RIMS1: variants seen among roughly 807,000 people sequenced by gnomAD.
The protein encoded by RIMS1 is regulating synaptic membrane exocytosis protein 1.
A neutral mutation model predicts 214.1 loss-of-function variants in RIMS1; 83 were observed. The observed-to-expected ratio is 0.39, with a 90% confidence interval of 0.32 to 0.47. The LOEUF (loss-of-function observed/expected upper bound fraction) is 0.47, where lower values mean the gene tolerates loss of function less well. Among genes scored for constraint, RIMS1 ranks in the 20% least tolerant of loss-of-function variants. RIMS1 has a pLI of 0.99. For synonymous variants in RIMS1, 793 were observed against 786.8 expected (o/e 1.01, Z -0.13); for missense variants, 2,050 against 2,161.8 (o/e 0.95, Z 1.03).
intron 29 of RIMS1, among the ~76,000 whole-genome samples, chr6:72,355,958 A>G (rs185742588): frequency 6.6e-6 from 1 of 152,180 alleles, no homozygotes. Flanking sequence ...CTAGATACTT[A>G]TTTGGCTTAG....
At chr6:72,191,902 G>A (rs1425219800) in intron 6 of RIMS1, among the ~76,000 whole-genome samples, 1 of 152,184 alleles carries the variant, frequency 6.6e-6, no homozygotes, top group Non-Finnish European at 1.5e-5. Context: ...GGTCTTTCAA[G>A]TACTCGATGA....
rs751010520 is a variant in RIMS1 at position 72,333,727 on chromosome 6, G to T, written c.4258G>T (p.Val1420Leu). The change falls in exon 29 of 34, where the codon GTG becomes TTG. Residue 1420 changes from valine (V) to leucine (L), a missense_variant. Val to Leu is a conservative substitution (Grantham distance 32, BLOSUM62 1). Transcript: ENST00000521978. The part of the protein sequence containing the change: ...HNDGSQSDTA[V>L]GTVGAGGKKR... ...TGACGGCAGCCAGTCAGACACAGCTGTGGGTACAGTTGGAGCAGGTGGAAA... is the reference window on the plus strand; with the variant it reads ...TGACGGCAGCCAGTCAGACACAGCTTTGGGTACAGTTGGAGCAGGTGGAAA... The T allele has an allele frequency of 1.2e-5, 19 of 1,599,178 alleles. No homozygotes were observed. Among genetic ancestry groups the T allele is most frequent in the Non-Finnish European group, 1.6e-5 (19 of 1,172,832 alleles).
At chr6:72,216,236 A>G (rs1238210306) in intron 6 of RIMS1, among the ~76,000 whole-genome samples, 2 of 152,178 alleles carry the variant, frequency 1.3e-5, no homozygotes, top group Non-Finnish European at 2.9e-5. Context: ...ACCCAATGAG[A>G]GGATAATTAT....
At chr6:72,372,627 G>T (rs2098253812) in intron 29 of RIMS1, among the ~76,000 whole-genome samples, 1 of 152,166 alleles carries the variant, frequency 6.6e-6, no homozygotes, top group Non-Finnish European at 1.5e-5. Context: ...TACCTTTGTA[G>T]GGGCAATTTG....
intron 19 of RIMS1, among the ~76,000 whole-genome samples, 200 bp from the exon 20 acceptor site, chr6:72,264,775 T>C (rs2079641325): frequency 6.6e-6 from 1 of 152,148 alleles, no homozygotes. Context: ...TTGAGTATTT[T>C]ATGAAGTCAA....
intron 29 of RIMS1, among the ~76,000 whole-genome samples, chr6:72,385,612 C>G (rs2098582948): frequency 1.3e-5 from 2 of 152,270 alleles, no homozygotes; most frequent in African/African-American, 4.8e-5. Context: ...TGATGTTAAG[C>G]AAGTCATTAT....
chr6:72,260,172 G>T (rs1233027479), intron 18 of RIMS1, among the ~76,000 whole-genome samples: 2 of 152,040 alleles, frequency 1.3e-5, no homozygotes, highest in Non-Finnish European at 2.9e-5. Flanking sequence ...TCAATATAGT[G>T]AAATTAATTT....
At chr6:71,936,946 A>G (rs1397315871) in intron 1 of RIMS1, among the ~76,000 whole-genome samples, 1 of 151,738 alleles carries the variant, frequency 6.6e-6, no homozygotes. Flanking sequence ...TTAGCTTTCT[A>G]TCACTGTCCA....
chr6:72,085,855 A>G (rs1015259269), intron 2 of RIMS1, among the ~76,000 whole-genome samples: 4 of 152,176 alleles, frequency 2.6e-5, no homozygotes, highest in Non-Finnish European at 5.9e-5. Flanking sequence ...TAAAATTAGC[A>G]TTCTGAAAAT....
chr6:72,293,854 A>G (rs1477752889), intron 26 of RIMS1, among the ~76,000 whole-genome samples: 2 of 151,726 alleles, frequency 1.3e-5, no homozygotes, highest in Non-Finnish European at 3.0e-5. Context: ...TCAATTTGTA[A>G]GGATTGAATT....
chr6:72,258,922 G>A, intron 17 of RIMS1, 64 bp from the exon 18 acceptor site: 2 of 1,503,092 alleles, frequency 1.3e-6, no homozygotes, highest in Non-Finnish European at 9.2e-7. Context: ...CTTCACTTTA[G>A]TCTGTCTGCC....
intron 28 of RIMS1, among the ~76,000 whole-genome samples, chr6:72,321,002 T>C (rs2096125376): frequency 6.6e-6 from 1 of 152,080 alleles, no homozygotes; most frequent in Admixed American, 6.6e-5. Flanking sequence ...TCAGCTAGAC[T>C]CTCTTAAAGC....
At chr6:72,322,894 A>G (rs1261496342) in intron 28 of RIMS1, among the ~76,000 whole-genome samples, 2 of 152,094 alleles carry the variant, frequency 1.3e-5, no homozygotes, top group Non-Finnish European at 2.9e-5. Context: ...GAATTCCTTC[A>G]TACGTTGACC....
intron 29 of RIMS1, among the ~76,000 whole-genome samples, chr6:72,337,787 T>G (rs1276235957): frequency 1.5e-5 from 2 of 136,638 alleles, no homozygotes; most frequent in Non-Finnish European, 3.1e-5. Context: ...TCCCCTTCCT[T>G]TGTCCACGTG....
chr6:72,389,874 A>G lies in RIMS1; in HGVS notation c.4367-724A>G, dbSNP rs1470597686. On this transcript the variant is annotated intron_variant, in intron 29 of 33. Transcript: ENST00000521978. ...TCAAGAAAATTCCTCTGAGCTTATC[A>G]AGAACTGAAATGCAAATGTATGTAA... Among the ~76,000 whole-genome samples, 3 of 152,176 alleles carry G rather than the reference A, an allele frequency of 2.0e-5. No individual in the cohort carries two copies. In the East Asian group the frequency reaches 5.8e-4, roughly 29 times the overall value.
At chr6:72,332,649 A>G (rs1045402106) in intron 28 of RIMS1, among the ~76,000 whole-genome samples, 1 of 150,726 alleles carries the variant, frequency 6.6e-6, no homozygotes, top group Admixed American at 6.6e-5. Flanking sequence ...ACTAACCTGC[A>G]CATTGTGCAC....
intron 26 of RIMS1, among the ~76,000 whole-genome samples, chr6:72,294,815 C>G (rs1203491205): frequency 6.6e-6 from 1 of 151,604 alleles, no homozygotes; most frequent in Admixed American, 6.6e-5. Flanking sequence ...TACATAGAGC[C>G]AGATTATGTT....
At chr6:72,060,324 C>A (rs1356005919) in intron 2 of RIMS1, among the ~76,000 whole-genome samples, 1 of 151,998 alleles carries the variant, frequency 6.6e-6, no homozygotes, top group Admixed American at 6.6e-5. Context: ...AATTTGCAGC[C>A]CCGATCTAAA....
At chr6:72,265,877 T>C in intron 21 of RIMS1, 83 bp from the exon 22 acceptor site, 1 of 927,902 alleles carries the variant, frequency 1.1e-6, no homozygotes, top group Non-Finnish European at 1.7e-6. Flanking sequence ...CATTATTTTA[T>C]GCTTTACTCT....
Sources: allele counts gnomAD v4.1 joint callset (sites outside exome capture counted in the v4.1 genomes callset), GRCh38; gene constraint gnomAD v4.1.1; transcripts MANE v1.5; gene names NCBI Gene and HGNC (gene_info 2026-07-23, HGNC 2026-07-21).